Variants in ARHGEF10L observed in about 807,000 individuals in gnomAD.
ARHGEF10L encodes the protein Rho guanine nucleotide exchange factor 10 like.
Under a neutral mutation model 141.2 loss-of-function variants are expected in ARHGEF10L, and 69 were observed. The ratio of observed to expected loss-of-function variants is 0.49; its 90% CI spans 0.40 to 0.60. The LOEUF is 0.60. Among genes scored for constraint, ARHGEF10L ranks in the 20% least tolerant of loss-of-function variants. The pLI is 0.00. For missense variants in ARHGEF10L, 1,482 were observed against 1,734.3 expected (o/e 0.85, Z 2.58); for synonymous variants, 711 against 718.5 (o/e 0.99, Z 0.17).
intron 1 of ARHGEF10L, among the ~76,000 whole-genome samples, chr1:17,564,029 G>A (rs573375324): frequency 6.6e-6 from 1 of 152,300 alleles, no homozygotes; most frequent in Non-Finnish European, 1.5e-5. Context: ...GGAGAGAGAT[G>A]GATGCTGCCA....
At chr1:17,540,938 G>A (rs2076704878) in intron 1 of ARHGEF10L, among the ~76,000 whole-genome samples, 1 of 152,154 alleles carries the variant, frequency 6.6e-6, no homozygotes, top group South Asian at 2.1e-4. Context: ...CCAGCACTGT[G>A]CCCCCCACGG....
In ARHGEF10L at chr1:17,607,333, G is replaced by A. The variant is rs932419782; in HGVS notation, c.434-469G>A. On this transcript the variant is annotated intron_variant, in intron 6 of 28. Coordinates refer to ENST00000361221, the MANE Select transcript of ARHGEF10L (RefSeq NM_018125.4). This position sits in a 1 kb window ranked among gnomAD's most constrained non-coding sequence, Gnocchi z 4.5. ...CTACAAAAAATTAAAAAATTAGCTG[G>A]GTGTGATGGTGCACACCTGTAGTCC... Among the ~76,000 whole-genome samples the A allele has an allele frequency of 6.6e-6, 1 of 152,116 alleles. No homozygotes were observed. The highest frequency in any genetic ancestry group is 6.6e-5 in the Admixed American group (1 of 15,262).
At chr1:17,626,959 G>A (rs1188677267) in intron 14 of ARHGEF10L, among the ~76,000 whole-genome samples, 1 of 152,250 alleles carries the variant, frequency 6.6e-6, no homozygotes, top group East Asian at 1.9e-4. Flanking sequence ...TTTCAAGGCT[G>A]AATAATACGC....
In ARHGEF10L at chr1:17,602,213, G is replaced by A. The variant is rs778172346; in HGVS notation, c.344G>A (p.Arg115His). The A allele has an allele frequency of 1.4e-5, 22 of 1,567,020 alleles. No individual in the cohort carries two copies. Among genetic ancestry groups the A allele is most frequent in the South Asian group, 4.7e-5 (4 of 85,214 alleles). The change falls in exon 5 of 29, where the codon CGT becomes CAT. Residue 115 changes from arginine (R) to histidine (H), a missense_variant. Physicochemically the swap from Arg to His is conservative, Grantham distance 29. Around this residue, in one of 3 missense-constraint regions of ARHGEF10L, gnomAD observed 232 missense variants for 225.9 expected, o/e 1.03. Coordinates refer to ENST00000361221, the MANE Select transcript of ARHGEF10L (RefSeq NM_018125.4). ...TCCAGCTGGAAGCGGAAGAGTTCCC[G>A]TCGCAGTAAGTCTCCCCTCCGGCCC... ...RHSSWKRKSSRRIDRFTFPAL... is the reference protein window; with the variant it reads ...RHSSWKRKSSHRIDRFTFPAL...
chr1:17,522,769 G>A, the ARHGEF10L span, among the ~76,000 whole-genome samples: 6,214 of 152,066 alleles, frequency 0.041, 195 homozygotes, highest in Non-Finnish European at 0.059. Context: ...GGGGTGACTG[G>A]CCTGGCTCCA....
the ARHGEF10L span, among the ~76,000 whole-genome samples, chr1:17,516,739 C>T: frequency 6.6e-6 from 1 of 152,210 alleles, no homozygotes; most frequent in African/African-American, 2.4e-5. Flanking sequence ...TGCAAAACCC[C>T]AGAACAAGGG....
intron 22 of ARHGEF10L, among the ~76,000 whole-genome samples, chr1:17,652,623 A>G (rs10888046): frequency 0.36 from 55,009 of 151,932 alleles, 10,738 homozygotes; most frequent in African/African-American, 0.46. Context: ...ACGCCTGACT[A>G]CTACGGTGTC....
chr1:17,662,710 G>A lies in ARHGEF10L; in HGVS notation c.2861-1737G>A, dbSNP rs11579506. 4.5e-4 allele frequency among the ~76,000 whole-genome samples: 68 copies of A among 152,168 alleles called. 1 individual carries two copies. The highest frequency in any genetic ancestry group is 1.5e-3 in the African/African-American group (64 of 41,492). On this transcript the variant is annotated intron_variant, in intron 25 of 28. Transcript: ENST00000361221. ...GTATGGTAGGGAAGGATGGGGAGGG[G>A]GTGGGAGTCTAGTTTGGCTCTTGTG...
intron 4 of ARHGEF10L, among the ~76,000 whole-genome samples, chr1:17,593,995 C>A (rs545237351): frequency 6.7e-6 from 1 of 149,916 alleles, no homozygotes; most frequent in African/African-American, 2.5e-5. Flanking sequence ...GCTGACTGGC[C>A]GGTATTCCCC....
intron 26 of ARHGEF10L, among the ~76,000 whole-genome samples, chr1:17,669,595 CA>C (rs2063192384): frequency 6.6e-6 from 1 of 152,332 alleles, no homozygotes; most frequent in African/African-American, 2.4e-5. Flanking sequence ...CCTTGGTGGG[CA>C]GAAGTCTCAG....
intron 1 of ARHGEF10L, among the ~76,000 whole-genome samples, chr1:17,570,541 G>T (rs1417110140): frequency 1.3e-5 from 2 of 151,938 alleles, no homozygotes; most frequent in African/African-American, 2.4e-5. Context: ...GAAGTCGGGG[G>T]GGTTGTGGGG....
chr1:17,560,434 C>G (rs913419118), intron 1 of ARHGEF10L, among the ~76,000 whole-genome samples: 2 of 152,202 alleles, frequency 1.3e-5, no homozygotes, highest in Non-Finnish European at 2.9e-5. Flanking sequence ...TTTGCCTGGG[C>G]CTCAAATGCC....
chr1:17,556,642 A>T (rs920439986), intron 1 of ARHGEF10L, among the ~76,000 whole-genome samples: 2 of 152,214 alleles, frequency 1.3e-5, no homozygotes, highest in Admixed American at 6.5e-5. Flanking sequence ...CACCCTGGGA[A>T]CTGAGAGCTA....
intron 2 of ARHGEF10L, among the ~76,000 whole-genome samples, chr1:17,586,511 G>A (rs1478756116): frequency 6.6e-6 from 1 of 152,100 alleles, no homozygotes; most frequent in African/African-American, 2.4e-5. Flanking sequence ...CCAGAGTTTA[G>A]GAAGGAAGTC....
intron 1 of ARHGEF10L, among the ~76,000 whole-genome samples, chr1:17,569,714 T>C (rs2077912131): frequency 6.6e-6 from 1 of 152,060 alleles, no homozygotes; most frequent in South Asian, 2.1e-4. Flanking sequence ...GGAAACTGAA[T>C]AGACGCCAGG....
chr1:17,681,879 A>G (rs2064152456), intron 26 of ARHGEF10L, among the ~76,000 whole-genome samples: 2 of 151,968 alleles, frequency 1.3e-5, no homozygotes, highest in African/African-American at 4.8e-5. Flanking sequence ...CTAATTCACC[A>G]TTGTCTAATT....
chr1:17,520,707 C>T, the ARHGEF10L span, among the ~76,000 whole-genome samples: 7 of 152,300 alleles, frequency 4.6e-5, no homozygotes, highest in African/African-American at 1.2e-4. Flanking sequence ...GGGCAGGTCA[C>T]GGCAACCTGG....
At chr1:17,651,379 G>A (rs1054890616) in intron 22 of ARHGEF10L, among the ~76,000 whole-genome samples, 1 of 152,220 alleles carries the variant, frequency 6.6e-6, no homozygotes, top group Admixed American at 6.5e-5. Flanking sequence ...AGCGACCATG[G>A]AGTAGGGAGT....
intron 26 of ARHGEF10L, among the ~76,000 whole-genome samples, chr1:17,683,948 G>A (rs1040162347): frequency 2.0e-5 from 3 of 152,222 alleles, no homozygotes; most frequent in South Asian, 2.1e-4. Flanking sequence ...ACCTTTCTTC[G>A]GGAGTCGAGC....
Sources: gnomAD v4.1 joint callset for allele counts (sites outside exome capture counted in the v4.1 genomes callset) on GRCh38, gnomAD v4.1.1 for gene constraint, gnomAD v4.1.1 regional missense constraint, Gnocchi (gnomAD v3.1) non-coding constraint, MANE v1.5 for transcripts, NCBI Gene and HGNC (gene_info 2026-07-23, HGNC 2026-07-21) for gene names.